CDHR3: variants seen among roughly 807,000 people sequenced by gnomAD.
The protein encoded by CDHR3 is cadherin related family member 3, also known as cadherin-related family member 3.
Under a neutral mutation model 86.6 loss-of-function variants are expected in CDHR3, and 79 were observed. The ratio of observed to expected loss-of-function variants is 0.91; its 90% CI spans 0.76 to 1.10. CDHR3 has a LOEUF of 1.10. Ranked by LOEUF, CDHR3 falls within the 50% of genes least tolerant of loss-of-function variation. The pLI, the probability that CDHR3 is intolerant of heterozygous loss-of-function variation, is 0.00. For synonymous variants in CDHR3, 421 were observed against 402.4 expected (o/e 1.05, Z -0.55); for missense variants, 1,081 against 1,077.6 (o/e 1.00, Z -0.04).
chr7:106,016,522 C>T (rs1038096283), intron 11 of CDHR3, among the ~76,000 whole-genome samples: 12 of 152,270 alleles, frequency 7.9e-5, no homozygotes, highest in African/African-American at 2.9e-4. Flanking sequence ...GCTCCTCCCC[C>T]TTTAAGGAAA....
chr7:105,986,459 T>A (rs1339818070), intron 4 of CDHR3, among the ~76,000 whole-genome samples: 1 of 152,164 alleles, frequency 6.6e-6, no homozygotes, highest in Non-Finnish European at 1.5e-5. Flanking sequence ...TTTTCCTCAC[T>A]TGTCAAAAGG....
intron 8 of CDHR3, among the ~76,000 whole-genome samples, chr7:106,005,600 G>C (rs1833839207): frequency 6.6e-6 from 1 of 152,182 alleles, no homozygotes; most frequent in South Asian, 2.1e-4. Context: ...TGTCCCCATG[G>C]GGAGAGTCTC....
At position 106,032,664 on chromosome 7, in the gene CDHR3, C is replaced by T. The variant is rs1838562430; in HGVS notation, c.2625C>T (p.Asn875=). ...AGAACAGAAATCCAGCCTTCATGAA[C>T]AGGGCTTACCCCAAACCACACCCAG... ...NPKNRNPAFM[N]RAYPKPHPGK Residue 875 remains asparagine (N), a synonymous_variant, in exon 19 of 19, where the codon AAC becomes AAT. Transcript: ENST00000317716. 6.2e-7 allele frequency: 1 copy of T among 1,613,440 alleles called. No individual in the cohort carries two copies. The highest frequency in any genetic ancestry group is 2.2e-5 in the East Asian group (1 of 44,860).
At chr7:105,964,939 G>A (rs1436013295) in intron 1 of CDHR3, among the ~76,000 whole-genome samples, 2 of 152,088 alleles carry the variant, frequency 1.3e-5, no homozygotes, top group African/African-American at 4.8e-5. Flanking sequence ...GGGCTTTTAG[G>A]GCCACAATCA....
intron 8 of CDHR3, among the ~76,000 whole-genome samples, chr7:106,006,563 G>A (rs1283903200): frequency 1.3e-5 from 2 of 152,222 alleles, no homozygotes; most frequent in Non-Finnish European, 1.5e-5. Context: ...CCCCATGCAA[G>A]TCTGAAATCC....
chr7:106,015,296 G>A (rs930511489), intron 10 of CDHR3, 83 bp downstream of exon 10: 13 of 1,217,382 alleles, frequency 1.1e-5, no homozygotes, highest in Non-Finnish European at 1.5e-5. Context: ...TAGGTATTGT[G>A]CTAGGTCCCC....
intron 8 of CDHR3, among the ~76,000 whole-genome samples, chr7:106,008,500 T>G (rs143739173): frequency 0.012 from 1,828 of 152,280 alleles, 151 homozygotes; most frequent in Admixed American, 0.11. Context: ...GTCCCTTTAC[T>G]GACCCCTCCT....
chr7:106,028,391 A>G, intron 16 of CDHR3, 160 bp from the exon 17 acceptor site: 3 of 781,564 alleles, frequency 3.8e-6, no homozygotes, highest in Non-Finnish European at 6.7e-6. Context: ...GAGAAGATGG[A>G]AAGTTGTCAA....
At chr7:106,005,079 G>A (rs1424408323) in intron 8 of CDHR3, among the ~76,000 whole-genome samples, 5 of 152,278 alleles carry the variant, frequency 3.3e-5, no homozygotes, top group East Asian at 3.9e-4. Context: ...TATAATAGAC[G>A]TTTGAGACTT....
rs191258679 is a variant in CDHR3 at position 106,032,486 on chromosome 7, A to G, written c.2447A>G (p.His816Arg). ...TQMPKWKESS[H>R]QGAAPRRVTA... ...ATGCCAAAATGGAAAGAGTCCAGCCACCAGGGAGCTGCCCCACGCAGAGTC... is the reference window on the plus strand; with the variant it reads ...ATGCCAAAATGGAAAGAGTCCAGCCGCCAGGGAGCTGCCCCACGCAGAGTC... Residue 816 changes from histidine (H) to arginine (R), a missense_variant, in exon 19 of 19, where the codon CAC becomes CGC. Physicochemically the swap from His to Arg is conservative, Grantham distance 29. Transcript: ENST00000317716. The G allele has an allele frequency of 1.1e-4, 176 of 1,614,020 alleles. No homozygotes were observed. In the East Asian group the frequency reaches 3.8e-3, roughly 35 times the overall value.
chr7:105,981,993 G>C (rs961425361), intron 3 of CDHR3, among the ~76,000 whole-genome samples: 1 of 152,088 alleles, frequency 6.6e-6, no homozygotes, highest in Non-Finnish European at 1.5e-5. Flanking sequence ...CATGGTCCAA[G>C]CCACTCATCC....
intron 4 of CDHR3, among the ~76,000 whole-genome samples, chr7:105,987,159 A>G (rs977811269): frequency 2.0e-5 from 3 of 152,188 alleles, no homozygotes; most frequent in African/African-American, 7.2e-5. Context: ...AAAGCTGCCC[A>G]GGTAGGAAAC....
chr7:105,972,131 A>C (rs1828075278), intron 1 of CDHR3, among the ~76,000 whole-genome samples: 1 of 152,118 alleles, frequency 6.6e-6, no homozygotes. Flanking sequence ...TGGTGACAGC[A>C]GTATAATCTC....
chr7:106,013,621 A>T (rs1483607602), intron 9 of CDHR3, among the ~76,000 whole-genome samples: 4 of 152,184 alleles, frequency 2.6e-5, no homozygotes, highest in Non-Finnish European at 2.9e-5. Flanking sequence ...GGAGAAGAGA[A>T]AAATGAAAGG....
rs1838809919 is a variant in CDHR3 at position 106,035,125 on chromosome 7, G to A, written c.*2428G>A. ...AATAATTAAAAGGAGAGAGTGGTGA[G>A]CAGCTGGTCTTTCTTCTCCAGTGAT... On this transcript the variant is annotated 3_prime_UTR_variant, in exon 19 of 19. Transcript: ENST00000317716. Among the ~76,000 whole-genome samples the A allele has an allele frequency of 6.6e-6, 1 of 151,834 alleles. No individual in the cohort carries two copies. The highest frequency in any genetic ancestry group is 1.5e-5 in the Non-Finnish European group (1 of 67,964).
At position 106,012,966 on chromosome 7, in the gene CDHR3, A is replaced by G. The variant is rs768996901; in HGVS notation, c.1159A>G (p.Met387Val). 1.2e-5 allele frequency: 20 copies of G among 1,613,622 alleles called. No homozygotes were observed. Among genetic ancestry groups the G allele is most frequent in the Non-Finnish European group, 1.4e-5 (17 of 1,179,792 alleles). Residue 387 changes from methionine to valine, a missense_variant, in exon 9 of 19, where the codon ATG (methionine) becomes GTG (valine). By Grantham distance (21) the Met-to-Val change is conservative (BLOSUM62 1). Coordinates refer to ENST00000317716, the MANE Select transcript of CDHR3 (RefSeq NM_152750.5). ...EAPNNRFNFT[M>V]PSGVGSGSRF... Reference sequence around the variant, plus strand: ...ACCAAACAACAGATTCAACTTCACCATGCCATCTGGAGTGGGGAGCGGCAG... The same window carrying G: ...ACCAAACAACAGATTCAACTTCACCGTGCCATCTGGAGTGGGGAGCGGCAG...
intron 9 of CDHR3, 62 bp downstream of exon 9, chr7:106,013,093 CT>C: frequency 7.0e-7 from 1 of 1,435,172 alleles, no homozygotes; most frequent in Non-Finnish European, 9.4e-7. Context: ...ATGCATCATG[CT>C]TTTGCTGCCC....
intron 11 of CDHR3, among the ~76,000 whole-genome samples, chr7:106,016,712 T>G (rs973758077): frequency 4.6e-5 from 7 of 152,208 alleles, no homozygotes; most frequent in African/African-American, 1.7e-4. Context: ...AAACGCTCCC[T>G]CTAAAATGAT....
At chr7:105,984,036 G>A (rs1830171431) in intron 3 of CDHR3, among the ~76,000 whole-genome samples, 156 bp from the exon 4 acceptor site, 2 of 152,160 alleles carry the variant, frequency 1.3e-5, no homozygotes, top group Non-Finnish European at 2.9e-5. Context: ...AGGAAAGTTG[G>A]CCAGTGGTCT....
Sources: gnomAD v4.1 joint callset for allele counts (sites outside exome capture counted in the v4.1 genomes callset) on GRCh38, gnomAD v4.1.1 for gene constraint, MANE v1.5 for transcripts, NCBI Gene and HGNC (gene_info 2026-07-23, HGNC 2026-07-21) for gene names.